Variants in PHF21A observed in about 807,000 individuals in gnomAD.
The protein encoded by PHF21A is BHC80a.
In PHF21A, 11 loss-of-function variants were observed where a neutral mutation model predicts 82.5. That is an observed-to-expected ratio of 0.13 (90% confidence interval 0.08 to 0.22). PHF21A has a LOEUF of 0.22. PHF21A is among the 10% of genes least tolerant of loss of function. The probability of loss-of-function intolerance (pLI) is 1.00; values close to 1 mark genes in which losing one functional copy is unlikely to be tolerated. For missense variants in PHF21A, 579 were observed against 837.8 expected, an observed-to-expected ratio of 0.69 and a Z score of 3.81; for synonymous variants, 297 against 302.8, an observed-to-expected ratio of 0.98 and a Z score of 0.20.
chr11:46,043,434 A>C (rs1565697362), intron 6 of PHF21A, among the ~76,000 whole-genome samples: 1 of 152,116 alleles, frequency 6.6e-6, no homozygotes, highest in Non-Finnish European at 1.5e-5. Context: ...TTAACATACT[A>C]CCTTCTATAT....
chr11:45,965,717 T>A (rs995545618), intron 9 of PHF21A, 109 bp from the exon 10 acceptor site: 25 of 843,886 alleles, frequency 3.0e-5, no homozygotes, highest in Non-Finnish European at 4.1e-5. Context: ...CACTTATTAA[T>A]GTTCATTTTG....
intron 6 of PHF21A, among the ~76,000 whole-genome samples, chr11:45,982,953 C>T (rs2094357816): frequency 6.6e-6 from 1 of 152,146 alleles, no homozygotes; most frequent in Non-Finnish European, 1.5e-5. Flanking sequence ...CCTCTACAGC[C>T]ATCCTTAGGA....
chr11:46,002,012 G>A (rs535800061), intron 6 of PHF21A, among the ~76,000 whole-genome samples: 5 of 152,186 alleles, frequency 3.3e-5, no homozygotes, highest in South Asian at 2.1e-4. Flanking sequence ...GAAGTGGTTC[G>A]GAAGGATTTC....
At position 46,091,684 on chromosome 11, in the gene PHF21A, G is replaced by C. The variant is rs113452869; in HGVS notation, c.-196+499C>G. 4.3e-3 allele frequency among the ~76,000 whole-genome samples: 648 copies of C among 152,200 alleles called. 4 individuals are homozygous for C. Among genetic ancestry groups the C allele is most frequent in the African/African-American group, 0.015 (602 of 41,512 alleles). On this transcript the variant is annotated intron_variant, in intron 2 of 18. Transcript: ENST00000676320. The stretch of plus-strand genomic sequence containing the variant: ...TATACTAAGGCCATCAAATAGAACA[G>C]CATATTAAGTAACACAAAACACTAT...
chr11:46,109,630 C>A (rs1373374578), intron 1 of PHF21A, among the ~76,000 whole-genome samples: 1 of 151,944 alleles, frequency 6.6e-6, no homozygotes, highest in Non-Finnish European at 1.5e-5. Context: ...CACAAATGTA[C>A]CAATGTGTAT....
intron 6 of PHF21A, among the ~76,000 whole-genome samples, chr11:46,059,348 G>A (rs2932512): frequency 0.9 from 137,193 of 152,234 alleles, 61,979 homozygotes; most frequent in East Asian, 1. Flanking sequence ...AAGAATAATT[G>A]AGAATGTAAA....
intron 6 of PHF21A, chr11:46,049,436 T>C (rs764839850): frequency 2.2e-6 from 1 of 456,230 alleles, no homozygotes; most frequent in South Asian, 1.5e-5. Context: ...TTCAACACAG[T>C]GTATTCCTGT....
At chr11:46,029,338 T>C (rs2095817758) in intron 6 of PHF21A, among the ~76,000 whole-genome samples, 1 of 152,224 alleles carries the variant, frequency 6.6e-6, no homozygotes, top group East Asian at 1.9e-4. Flanking sequence ...GCTAAATAAC[T>C]GTTCTGAAAA....
chr11:46,050,338 C>T (rs775416874), intron 6 of PHF21A, among the ~76,000 whole-genome samples: 3 of 152,254 alleles, frequency 2.0e-5, no homozygotes, highest in Middle Eastern at 3.4e-3. Flanking sequence ...GAAAAGTGGC[C>T]GGCTTACTTT....
intron 10 of PHF21A, among the ~76,000 whole-genome samples, chr11:45,958,606 CA>C (rs1475000304): frequency 6.7e-6 from 1 of 148,734 alleles, no homozygotes; most frequent in Non-Finnish European, 1.5e-5. Context: ...GCCCTGTCTC[CA>C]AAAAATAACG....
intron 1 of PHF21A, among the ~76,000 whole-genome samples, chr11:46,105,477 C>A (rs182614957): frequency 6.6e-6 from 1 of 152,204 alleles, no homozygotes; most frequent in East Asian, 1.9e-4. Flanking sequence ...CACACTCAGA[C>A]CCACACTAAC....
intron 6 of PHF21A, among the ~76,000 whole-genome samples, chr11:46,011,762 G>C (rs910220302): frequency 6.6e-6 from 1 of 152,188 alleles, no homozygotes; most frequent in Non-Finnish European, 1.5e-5. Flanking sequence ...GAGCTTGGCA[G>C]AGGGGAATTT....
chr11:46,084,512 T>C (rs2096832304), intron 3 of PHF21A, among the ~76,000 whole-genome samples: 1 of 151,550 alleles, frequency 6.6e-6, no homozygotes, highest in African/African-American at 2.4e-5. Context: ...AAAAAAAGGG[T>C]TTAATCTGGT....
At chr11:46,010,701 C>T (rs927134301) in intron 6 of PHF21A, among the ~76,000 whole-genome samples, 1 of 152,146 alleles carries the variant, frequency 6.6e-6, no homozygotes, top group Non-Finnish European at 1.5e-5. Flanking sequence ...AGCCTTGACC[C>T]ACAGAAGTTA....
intron 7 of PHF21A, 125 bp from the exon 8 acceptor site, chr11:45,971,492 T>G (rs1042979037): frequency 1.1e-6 from 1 of 880,714 alleles, no homozygotes; most frequent in African/African-American, 1.7e-5. Context: ...TAATCAAGTT[T>G]CTCTGTAGAA....
chr11:46,010,320 C>T (rs2095385819), intron 6 of PHF21A, among the ~76,000 whole-genome samples: 1 of 152,188 alleles, frequency 6.6e-6, no homozygotes, highest in African/African-American at 2.4e-5. Context: ...ACTGACATTA[C>T]AGTTAACAAA....
At chr11:46,080,414 C>A (rs2096776600) in intron 4 of PHF21A, among the ~76,000 whole-genome samples, 1 of 151,972 alleles carries the variant, frequency 6.6e-6, no homozygotes, top group South Asian at 2.1e-4. Context: ...CCGCCTCAGC[C>A]TCCCAAAGTG....
intron 6 of PHF21A, among the ~76,000 whole-genome samples, chr11:46,065,056 A>G (rs988402651): frequency 8.5e-5 from 13 of 152,218 alleles, no homozygotes; most frequent in Admixed American, 5.2e-4. Context: ...TTAGTAGAGG[A>G]AAGTGTTATA....
At chr11:46,016,394 ACT>A (rs2095518300) in intron 6 of PHF21A, among the ~76,000 whole-genome samples, 1 of 151,568 alleles carries the variant, frequency 6.6e-6, no homozygotes, top group Admixed American at 6.6e-5. Flanking sequence ...TCCTTCAACC[ACT>A]CTGAATTATC....
Sources: gnomAD v4.1 joint callset for allele counts (sites outside exome capture counted in the v4.1 genomes callset) on GRCh38, gnomAD v4.1.1 for gene constraint, MANE v1.5 for transcripts, NCBI Gene and HGNC (gene_info 2026-07-23, HGNC 2026-07-21) for gene names.